The following NAT10 variants were observed in gnomAD, a reference collection of about 807,000 sequenced individuals.
NAT10 encodes the protein N-acetyltransferase 10, also known as RNA cytidine acetyltransferase.
Under a neutral mutation model 132.2 loss-of-function variants are expected in NAT10, and 109 were observed. The observed-to-expected ratio is 0.82, with a 90% CI of 0.71 to 0.97. The LOEUF is 0.97. NAT10 is among the 50% of genes least tolerant of loss of function. The pLI is 0.00. For synonymous variants in NAT10, 479 were observed against 478.0 expected (o/e 1.00, Z -0.03); for missense variants, 1,184 against 1,263.4 (o/e 0.94, Z 0.95).
At chr11:34,120,896 A>G (rs1038984549) in intron 8 of NAT10, among the ~76,000 whole-genome samples, 5 of 152,184 alleles carry the variant, frequency 3.3e-5, no homozygotes, top group African/African-American at 1.2e-4. Flanking sequence ...GAGCCAAGCC[A>G]TGAAGGAGGC....
At chr11:34,143,206 A>T (rs1457251146) in intron 27 of NAT10, among the ~76,000 whole-genome samples, 2 of 152,220 alleles carry the variant, frequency 1.3e-5, no homozygotes, top group Non-Finnish European at 2.9e-5. Context: ...GACCCCTGCC[A>T]GCAGGCCTGG....
Position 34,146,461 on chromosome 11 carries a change from C to A in NAT10, c.*269C>A. 3.4e-6 allele frequency: 1 copy of A among 293,160 alleles called. No homozygotes were observed. The highest frequency in any genetic ancestry group is 6.8e-5 in the South Asian group (1 of 14,796). 18.2% of individuals were successfully genotyped at this position (293,160 alleles called of 1,614,324 possible). On this transcript the variant is annotated 3_prime_UTR_variant, in exon 29 of 29. Transcript: ENST00000257829. ...CTCTTCCTGCCCAGTCCAGGGCCCT[C>A]CTTTCCTATAAGTTCATATTTTGCT...
intron 14 of NAT10, 82 bp from the exon 15 acceptor site, chr11:34,132,043 G>A (rs993455366): frequency 1.8e-5 from 19 of 1,027,412 alleles, no homozygotes; most frequent in East Asian, 1.4e-4. Flanking sequence ...TCCCAGCTAC[G>A]GAAATTTGTT....
At chr11:34,142,393 C>A in intron 27 of NAT10, 45 bp downstream of exon 27, 1 of 1,550,488 alleles carries the variant, frequency 6.4e-7, no homozygotes, top group South Asian at 1.1e-5. Context: ...CTTCTGGGGC[C>A]CTAAGAATCT....
chr11:34,141,322 C>A, intron 25 of NAT10, 114 bp downstream of exon 25: 1 of 365,462 alleles, frequency 2.7e-6, no homozygotes. Context: ...TGCATCTCGT[C>A]ACACACACAC....
At chr11:34,142,176 T>C (rs1320961664) in intron 26 of NAT10, 99 bp from the exon 27 acceptor site, 2 of 1,116,984 alleles carry the variant, frequency 1.8e-6, no homozygotes, top group African/African-American at 3.1e-5. Flanking sequence ...AAGGAAATGT[T>C]TTCTCATCAT....
At chr11:34,134,660 A>G (rs1029951001) in intron 18 of NAT10, 74 bp downstream of exon 18, 4 of 1,463,100 alleles carry the variant, frequency 2.7e-6, no homozygotes, top group Non-Finnish European at 3.8e-6. Context: ...GGTGGCTGGA[A>G]TAAGAAGCTG....
intron 15 of NAT10, among the ~76,000 whole-genome samples, 186 bp downstream of exon 15, chr11:34,132,407 AGG>A (rs1852122393): frequency 2.0e-5 from 3 of 152,218 alleles, no homozygotes; most frequent in Non-Finnish European, 2.9e-5. Flanking sequence ...GTAACGGGAC[AGG>A]GTGGAAAGCT....
At chr11:34,111,060 C>G (rs571570792) in intron 3 of NAT10, among the ~76,000 whole-genome samples, 60 of 152,342 alleles carry the variant, frequency 3.9e-4, no homozygotes, top group African/African-American at 1.3e-3. Flanking sequence ...CTGGTTTTCA[C>G]TATTTTTCAT....
rs1389416928 is a variant in NAT10 at position 34,119,911 on chromosome 11, T to A, written c.780+1408T>A. On this transcript the variant is annotated intron_variant, in intron 8 of 28. Coordinates refer to ENST00000257829, the MANE Select transcript of NAT10 (RefSeq NM_024662.3). ...AAGTTGCTGGATGAGAGGTTGTGTG[T>A]ATTCAAATGGGTGTTGTACCAGTTG... 3.3e-5 allele frequency among the ~76,000 whole-genome samples: 5 copies of A among 152,308 alleles called. No homozygotes were observed. The East Asian group carries it at 7.7e-4, about 24-fold the overall frequency.
rs924023671 is a variant in NAT10, at chr11:34,139,501, C to G, written c.2419+6C>G. ...GGGGAAGCCAGCCCAGCCTGGTGAG[C>G]CGGGTGGGGACAGGGAGGAGGGTTG... On this transcript the variant is annotated splice_donor_region_variant and intron_variant, in intron 23 of 28. Coordinates refer to ENST00000257829, the MANE Select transcript of NAT10 (RefSeq NM_024662.3). 1 of 1,611,318 alleles carries G rather than the reference C, an allele frequency of 6.2e-7. No individual in the cohort carries two copies. The highest frequency in any genetic ancestry group is 1.7e-5 in the Admixed American group (1 of 60,002).
intron 28 of NAT10, among the ~76,000 whole-genome samples, chr11:34,144,476 G>C (rs1852397753): frequency 6.6e-6 from 1 of 152,148 alleles, no homozygotes; most frequent in Non-Finnish European, 1.5e-5. Flanking sequence ...ACTAATGTCT[G>C]TGTCTTCACT....
At chr11:34,122,335 C>T in intron 8 of NAT10, 124 bp from the exon 9 acceptor site, 1 of 1,251,962 alleles carries the variant, frequency 8.0e-7, no homozygotes, top group Admixed American at 1.9e-5. Flanking sequence ...TGCTTTCTGG[C>T]CTGCAAGAAC....
At chr11:34,110,793 C>T (rs1851681499) in intron 3 of NAT10, among the ~76,000 whole-genome samples, 1 of 151,986 alleles carries the variant, frequency 6.6e-6, no homozygotes, top group African/African-American at 2.4e-5. Context: ...TGAAGGGATT[C>T]TGCCTAAAGG....
At chr11:34,116,758 C>T (rs940898991) in intron 6 of NAT10, among the ~76,000 whole-genome samples, 9 of 152,158 alleles carry the variant, frequency 5.9e-5, no homozygotes, top group African/African-American at 2.2e-4. Flanking sequence ...CCATGCCTGG[C>T]TAATTTTTGT....
intron 12 of NAT10, among the ~76,000 whole-genome samples, chr11:34,128,863 A>G (rs915741334): frequency 2.0e-5 from 3 of 152,160 alleles, no homozygotes; most frequent in African/African-American, 7.2e-5. Context: ...AACCCTAGGG[A>G]GTCACTAATC....
chr11:34,126,208 C>G (rs1400015165), intron 11 of NAT10, among the ~76,000 whole-genome samples: 1 of 152,180 alleles, frequency 6.6e-6, no homozygotes, highest in African/African-American at 2.4e-5. Flanking sequence ...TTTTAAAGAA[C>G]TAAAACATCA....
At chr11:34,108,479 G>A in intron 2 of NAT10, 146 bp downstream of exon 2, 1 of 716,828 alleles carries the variant, frequency 1.4e-6, no homozygotes, top group African/African-American at 1.8e-5. Context: ...TTTATTTCCT[G>A]GAAGTGGTGA....
intron 11 of NAT10, among the ~76,000 whole-genome samples, chr11:34,126,404 AT>A (rs1851994871): frequency 6.6e-6 from 1 of 152,116 alleles, no homozygotes; most frequent in African/African-American, 2.4e-5. Context: ...CTTTTTTAAC[AT>A]TTGTTTTCAA....
Sources: gnomAD v4.1 joint callset for allele counts (sites outside exome capture counted in the v4.1 genomes callset) on GRCh38, gnomAD v4.1.1 for gene constraint, MANE v1.5 for transcripts, NCBI Gene and HGNC (gene_info 2026-07-23, HGNC 2026-07-21) for gene names.